Variants in PLCXD3 observed in about 807,000 individuals in gnomAD.
The protein encoded by PLCXD3 is PI-PLC X domain-containing protein 3.
PLCXD3 carries 19 observed loss-of-function variants against 25.5 expected under a neutral mutation model. The ratio of observed to expected loss-of-function variants is 0.75; its 90% CI spans 0.52 to 1.09. PLCXD3 has a LOEUF of 1.09. Among genes scored for constraint, PLCXD3 ranks in the 50% least tolerant of loss-of-function variants. The probability of loss-of-function intolerance (pLI) is 0.00; values close to 1 mark genes in which losing one functional copy is unlikely to be tolerated. For synonymous variants in PLCXD3, 174 were observed against 137.6 expected (o/e 1.26, Z -1.85); for missense variants, 411 against 388.1 (o/e 1.06, Z -0.50).
intron 1 of PLCXD3, among the ~76,000 whole-genome samples, chr5:41,491,041 G>T (rs1344928655): frequency 6.6e-6 from 1 of 151,952 alleles, no homozygotes; most frequent in African/African-American, 2.4e-5. Flanking sequence ...TGTCAATTTT[G>T]GATCTTTCCT....
intron 1 of PLCXD3, among the ~76,000 whole-genome samples, chr5:41,448,728 T>C (rs1561276673): frequency 6.6e-6 from 1 of 152,206 alleles, no homozygotes; most frequent in Non-Finnish European, 1.5e-5. Context: ...ATGTATGCCT[T>C]TAAATAGAGG....
At position 41,351,404 on chromosome 5, in the gene PLCXD3, C is replaced by G. The variant is rs1035533337; in HGVS notation, c.812+30422G>C. On this transcript the variant is annotated intron_variant, in intron 2 of 2. Transcript: ENST00000377801. ...CATCATTGTATTCCCAGACCTGGCA[C>G]AGGGGCTGAGCACATGGTAGGCTTC... Among the ~76,000 whole-genome samples the G allele has an allele frequency of 2.0e-5, 3 of 152,258 alleles. 1 individual carries two copies. Among genetic ancestry groups the G allele is most frequent in the African/African-American group, 7.2e-5 (3 of 41,558 alleles).
chr5:41,382,552 C>T lies in PLCXD3; in HGVS notation c.104-18G>A, dbSNP rs773873909. On this transcript the variant is annotated intron_variant, in intron 1 of 2. Coordinates refer to ENST00000377801, the MANE Select transcript of PLCXD3 (RefSeq NM_001005473.3). Reference sequence around the variant, plus strand: ...ATGAGACCCTAGGAGAATAACAAGGCATAGTGTGGTTAATTTCCACGTCTT... The same window carrying T: ...ATGAGACCCTAGGAGAATAACAAGGTATAGTGTGGTTAATTTCCACGTCTT... The T allele has an allele frequency of 3.9e-6, 6 of 1,544,842 alleles. No individual in the cohort carries two copies. Among genetic ancestry groups the T allele is most frequent in the Non-Finnish European group, 4.4e-6 (5 of 1,147,460 alleles).
At chr5:41,469,895 G>A (rs2150519622) in intron 1 of PLCXD3, among the ~76,000 whole-genome samples, 1 of 152,240 alleles carries the variant, frequency 6.6e-6, no homozygotes, top group South Asian at 2.1e-4. Flanking sequence ...TACCAATAAA[G>A]GTTATCCACA....
At chr5:41,317,348 C>T (rs1428854694) in intron 2 of PLCXD3, among the ~76,000 whole-genome samples, 1 of 152,178 alleles carries the variant, frequency 6.6e-6, no homozygotes, top group East Asian at 1.9e-4. Flanking sequence ...GATCACAATA[C>T]CTTAGTCTTT....
rs542390931 is a variant in PLCXD3 at position 41,315,191 on chromosome 5, G to A, written c.813-1421C>T. On this transcript the variant is annotated intron_variant, in intron 2 of 2. Transcript: ENST00000377801. ...TTGGAATGAGAACTACTATAACTTG[G>A]TCAGGGCAGGAAGGGAAGTTTCCAT... Among the ~76,000 whole-genome samples the A allele has an allele frequency of 5.3e-5, 8 of 152,248 alleles. No homozygotes were observed. The East Asian group carries it at 1.2e-3, about 22-fold the overall frequency.
intron 1 of PLCXD3, among the ~76,000 whole-genome samples, chr5:41,502,756 G>C (rs73081522): frequency 0.011 from 1,723 of 152,208 alleles, 28 homozygotes; most frequent in African/African-American, 0.039. Context: ...AGAAAGTTGA[G>C]TTTAACTGAA....
At chr5:41,354,642 A>G (rs1207341097) in intron 2 of PLCXD3, among the ~76,000 whole-genome samples, 1 of 152,114 alleles carries the variant, frequency 6.6e-6, no homozygotes, top group Non-Finnish European at 1.5e-5. Flanking sequence ...ATGTACCTAG[A>G]TCCTGGGTAG....
At chr5:41,494,877 A>G (rs1043857544) in intron 1 of PLCXD3, among the ~76,000 whole-genome samples, 5 of 152,216 alleles carry the variant, frequency 3.3e-5, no homozygotes, top group African/African-American at 4.8e-5. Context: ...AAAAGAGGCT[A>G]CAGCTCACAA....
chr5:41,416,916 T>C (rs1383970390), intron 1 of PLCXD3, among the ~76,000 whole-genome samples: 1 of 152,096 alleles, frequency 6.6e-6, no homozygotes, highest in Non-Finnish European at 1.5e-5. Flanking sequence ...AGGAATGAGA[T>C]ACCAATTAAT....
intron 1 of PLCXD3, among the ~76,000 whole-genome samples, chr5:41,470,708 C>A (rs1453742693): frequency 1.3e-5 from 2 of 152,020 alleles, no homozygotes; most frequent in Admixed American, 1.3e-4. Context: ...TCCTTTAATG[C>A]TAGAAGCTAA....
At chr5:41,406,211 C>T (rs1310560463) in intron 1 of PLCXD3, among the ~76,000 whole-genome samples, 2 of 152,080 alleles carry the variant, frequency 1.3e-5, no homozygotes, top group Admixed American at 1.3e-4. Flanking sequence ...ACCTTCATTT[C>T]CCTTCACCCA....
intron 1 of PLCXD3, among the ~76,000 whole-genome samples, chr5:41,499,427 A>G (rs2111576356): frequency 6.6e-6 from 1 of 151,916 alleles, no homozygotes. Flanking sequence ...ATACTTTGGA[A>G]TAAACTTAAC....
intron 1 of PLCXD3, among the ~76,000 whole-genome samples, chr5:41,420,971 G>A (rs1746806547): frequency 6.6e-6 from 1 of 151,966 alleles, no homozygotes; most frequent in Non-Finnish European, 1.5e-5. Flanking sequence ...TGCATTTCCT[G>A]CATTCTTTCA....
At chr5:41,482,048 A>G (rs1024184466) in intron 1 of PLCXD3, among the ~76,000 whole-genome samples, 8 of 152,198 alleles carry the variant, frequency 5.3e-5, no homozygotes, top group African/African-American at 1.9e-4. Flanking sequence ...TGTGAAAATG[A>G]AAAGTGAAGT....
intron 1 of PLCXD3, among the ~76,000 whole-genome samples, chr5:41,454,654 C>T (rs376335912): frequency 2.0e-4 from 30 of 151,992 alleles, no homozygotes; most frequent in East Asian, 9.7e-4. Flanking sequence ...GAAACACACA[C>T]AGATTGAAGC....
At chr5:41,399,358 T>C (rs1746109248) in intron 1 of PLCXD3, among the ~76,000 whole-genome samples, 1 of 152,116 alleles carries the variant, frequency 6.6e-6, no homozygotes, top group Admixed American at 6.6e-5. Flanking sequence ...AAAATGTATA[T>C]GGAACCACAA....
chr5:41,336,471 T>TACTTTCAA (rs2150476282), intron 2 of PLCXD3, among the ~76,000 whole-genome samples: 2 of 152,292 alleles, frequency 1.3e-5, no homozygotes, highest in East Asian at 3.9e-4. Flanking sequence ...TACATGTAGT[T>TACTTTCAA]ACTTTCATTT....
chr5:41,353,889 A>C (rs993996650), intron 2 of PLCXD3, among the ~76,000 whole-genome samples: 2 of 152,204 alleles, frequency 1.3e-5, no homozygotes, highest in African/African-American at 4.8e-5. Context: ...AACTACAGAT[A>C]GCTGCCTCAC....
Sources: gnomAD v4.1 joint callset for allele counts (sites outside exome capture counted in the v4.1 genomes callset) on GRCh38, gnomAD v4.1.1 for gene constraint, MANE v1.5 for transcripts, NCBI Gene and HGNC (gene_info 2026-07-23, HGNC 2026-07-21) for gene names.